The following RSPH4A variants were observed in gnomAD, a reference collection of about 807,000 sequenced individuals.
RSPH4A encodes radial spoke head protein 4 homolog A.
In RSPH4A, 47 loss-of-function variants were observed where a neutral mutation model predicts 71.0. The ratio of observed to expected loss-of-function variants is 0.66; its 90% CI spans 0.52 to 0.84. The LOEUF (loss-of-function observed/expected upper bound fraction) is 0.84, where lower values mean the gene tolerates loss of function less well. RSPH4A is among the 40% of genes least tolerant of loss of function. The pLI, the probability that RSPH4A is intolerant of heterozygous loss-of-function variation, is 0.00. For synonymous variants in RSPH4A, 282 were observed against 302.3 expected (o/e 0.93, Z 0.70); for missense variants, 793 against 855.2 (o/e 0.93, Z 0.91).
chr6:116,626,804 C>G (rs954240235), intron 2 of RSPH4A, among the ~76,000 whole-genome samples: 8 of 152,096 alleles, frequency 5.3e-5, no homozygotes, highest in African/African-American at 1.9e-4. Flanking sequence ...TAGACATGAG[C>G]ACTTTATTAC....
At chr6:116,631,695 C>T (rs1371419623) in intron 5 of RSPH4A, among the ~76,000 whole-genome samples, 1 of 152,170 alleles carries the variant, frequency 6.6e-6, no homozygotes, top group Non-Finnish European at 1.5e-5. Flanking sequence ...GGGCCAGCGT[C>T]CTTGACTGCA....
intron 4 of RSPH4A, 114 bp from the exon 5 acceptor site, chr6:116,630,321 G>A (rs1775772621): frequency 1.3e-6 from 1 of 764,246 alleles, no homozygotes. Flanking sequence ...TCAAGTATGT[G>A]TGTATCTGTG....
At position 116,616,630 on chromosome 6, in the gene RSPH4A, G is replaced by A; in HGVS notation, c.7G>A (p.Asp3Asn). The A allele has an allele frequency of 1.2e-6, 2 of 1,612,548 alleles. No homozygotes were observed. The highest frequency in any genetic ancestry group is 1.7e-6 in the Non-Finnish European group (2 of 1,179,164). Residue 3 changes from aspartate to asparagine, a missense_variant, in exon 1 of 6, where the codon GAC becomes AAC. By Grantham distance (23) the Asp-to-Asn change is conservative (BLOSUM62 1). Transcript: ENST00000229554. ...TTTTTCTTGAACTGCTTCCATGGAG[G>A]ACTCAACCTCCCCGAAGCAAGAAAA... The part of the protein sequence containing the change: ME[D>N]STSPKQEKEN...
chr6:116,624,569 C>T (rs184694802), intron 2 of RSPH4A, among the ~76,000 whole-genome samples: 96 of 152,236 alleles, frequency 6.3e-4, no homozygotes, highest in African/African-American at 2.3e-3. Context: ...ACTTTAAAGC[C>T]TGGAACAGCT....
In RSPH4A at chr6:116,622,887, A is replaced by C. The variant is rs759084740; in HGVS notation, c.806A>C (p.Asp269Ala). ...ATGGCACATTTTAGTAAAAAATTTG[A>C]TGCACTACAAAATGAGAATGAGTTG... is the stretch of plus-strand genomic sequence containing the variant. ...VKMAHFSKKF[D>A]ALQNENELLP... is the part of the protein sequence containing the mutation. The change falls in exon 2 of 6, where the codon GAT (aspartate) becomes GCT (alanine). Residue 269 changes from aspartate to alanine, a missense_variant. Transcript: ENST00000229554. 14 of 1,613,250 alleles carry C rather than the reference A, an allele frequency of 8.7e-6. No homozygotes were observed. The highest frequency in any genetic ancestry group is 1.3e-5 in the African/African-American group (1 of 74,924).
Position 116,627,612 on chromosome 6 carries a change from A to G in RSPH4A, c.922-17A>G. On this transcript the variant is annotated splice_polypyrimidine_tract_variant and intron_variant, in intron 2 of 5. Transcript: ENST00000229554. ...TGTCTTATTGATAAATTTTAACCACAGCATTTGTTTCCCCAGGCAGAAAAC... is the reference window on the plus strand; with the variant it reads ...TGTCTTATTGATAAATTTTAACCACGGCATTTGTTTCCCCAGGCAGAAAAC... The G allele has an allele frequency of 6.3e-7, 1 of 1,591,252 alleles. No homozygotes were observed. The highest frequency in any genetic ancestry group is 1.3e-5 in the African/African-American group (1 of 74,614).
rs1390532154 is a variant in RSPH4A at position 116,628,073 on chromosome 6, A to G, written c.1366A>G (p.Arg456Gly). 6.2e-7 allele frequency: 1 copy of G among 1,614,232 alleles called. No individual in the cohort carries two copies. The highest frequency in any genetic ancestry group is 1.3e-5 in the African/African-American group (1 of 75,060). ...TATACCTGCACAAATTGTTATTGCA[A>G]GAAAAATCAAGAAATTTTTCACTGG... ...PVIPAQIVIA[R>G]KIKKFFTGRL... Residue 456 changes from arginine (R) to glycine (G), a missense_variant, in exon 3 of 6, where the codon AGA becomes GGA. Coordinates refer to ENST00000229554, the MANE Select transcript of RSPH4A (RefSeq NM_001010892.3).
In RSPH4A at chr6:116,632,229, G is replaced by A; in HGVS notation, c.1939G>A (p.Gly647Ser). ...TAGAAAGTTTGAAAATTTCTACATAGGCTGGGGTCATAAGTATAGTCCAGA... is the reference window on the plus strand; with the variant it reads ...TAGAAAGTTTGAAAATTTCTACATAAGCTGGGGTCATAAGTATAGTCCAGA... ...NGKKFENFYI[G>S]WGHKYSPDNY... Residue 647 changes from glycine to serine, a missense_variant, in exon 6 of 6, where the codon GGC (glycine) becomes AGC (serine). Physicochemically the swap from Gly to Ser is moderately conservative, Grantham distance 56. Coordinates refer to ENST00000229554, the MANE Select transcript of RSPH4A (RefSeq NM_001010892.3). The A allele has an allele frequency of 6.2e-7, 1 of 1,610,314 alleles. No homozygotes were observed. Among genetic ancestry groups the A allele is most frequent in the Non-Finnish European group, 8.5e-7 (1 of 1,178,966 alleles).
chr6:116,626,222 A>G (rs1480670761), intron 2 of RSPH4A, among the ~76,000 whole-genome samples: 2 of 152,224 alleles, frequency 1.3e-5, no homozygotes, highest in Non-Finnish European at 2.9e-5. Flanking sequence ...CAATTATAAG[A>G]GCATATCATT....
In RSPH4A at chr6:116,627,767, C is replaced by T. The variant is rs143931549; in HGVS notation, c.1060C>T (p.Arg354Cys). 139 of 1,613,970 alleles carry T rather than the reference C, an allele frequency of 8.6e-5. No homozygotes were observed. The highest frequency in any genetic ancestry group is 2.4e-4 in the African/African-American group (18 of 74,880). ...LTDTHPIQRCRFWGKILGLEM... is the reference protein window; with the variant it reads ...LTDTHPIQRCCFWGKILGLEM... Reference sequence around the variant, plus strand: ...TGATACCCACCCAATCCAAAGATGCCGCTTCTGGGGAAAGATCTTGGGTCT... The same window carrying T: ...TGATACCCACCCAATCCAAAGATGCTGCTTCTGGGGAAAGATCTTGGGTCT... Residue 354 changes from arginine (R) to cysteine (C), a missense_variant, in exon 3 of 6, where the codon CGC becomes TGC. Arg to Cys is a radical substitution (Grantham distance 180). Transcript: ENST00000229554.
Position 116,620,803 on chromosome 6 carries a change from C to T in RSPH4A, c.687-1965C>T, listed in dbSNP as rs1396349669. ...AAATCAAACCCTTTCATTATTAATCCAGCTATTGCCCGATAACCAACAGTG... is the reference window on the plus strand; with the variant it reads ...AAATCAAACCCTTTCATTATTAATCTAGCTATTGCCCGATAACCAACAGTG... On this transcript the variant is annotated intron_variant, in intron 1 of 5. Coordinates refer to ENST00000229554, the MANE Select transcript of RSPH4A (RefSeq NM_001010892.3). Among the ~76,000 whole-genome samples, 6 of 152,246 alleles carry T rather than the reference C, an allele frequency of 3.9e-5. No individual in the cohort carries two copies. In the East Asian group the frequency reaches 1.2e-3, roughly 29 times the overall value.
intron 5 of RSPH4A, among the ~76,000 whole-genome samples, chr6:116,631,776 A>G (rs1775808831): frequency 6.6e-6 from 1 of 152,190 alleles, no homozygotes; most frequent in African/African-American, 2.4e-5. Context: ...GTGATTGCCT[A>G]TGGTCATGCC....
rs1450524623 is a variant in RSPH4A at position 116,627,650 on chromosome 6, G to A, written c.943G>A (p.Val315Ile). 6.8e-6 allele frequency: 11 copies of A among 1,614,022 alleles called. No homozygotes were observed. The highest frequency in any genetic ancestry group is 2.2e-5 in the East Asian group (1 of 44,902). The stretch of plus-strand genomic sequence containing the variant: ...CCAGGCAGAAAACGCTCTTCCAAAT[G>A]TAATGGAGTCAGCTTTTTATTTTGA... Reference protein sequence around the residue: ...DEIAENALPNVMESAFYFEQA... With the variant: ...DEIAENALPNIMESAFYFEQA... Residue 315 changes from valine to isoleucine, a missense_variant, in exon 3 of 6, where the codon GTA (valine) becomes ATA (isoleucine). Transcript: ENST00000229554.
intron 5 of RSPH4A, among the ~76,000 whole-genome samples, chr6:116,630,892 T>C (rs535650739): frequency 9.5e-5 from 13 of 137,024 alleles, no homozygotes; most frequent in African/African-American, 3.5e-4. Flanking sequence ...GGTTTCACCA[T>C]GTTGGCCAGG....
At position 116,627,762 on chromosome 6, in the gene RSPH4A, G is replaced by T; in HGVS notation, c.1055G>T (p.Arg352Ile). 1 of 1,614,156 alleles carries T rather than the reference G, an allele frequency of 6.2e-7. No homozygotes were observed. Among genetic ancestry groups the T allele is most frequent in the Non-Finnish European group, 8.5e-7 (1 of 1,180,030 alleles). Residue 352 changes from arginine (R) to isoleucine (I), a missense_variant, in exon 3 of 6, where the codon AGA (arginine) becomes ATA (isoleucine). Coordinates refer to ENST00000229554, the MANE Select transcript of RSPH4A (RefSeq NM_001010892.3). ...CTTACTGATACCCACCCAATCCAAA[G>T]ATGCCGCTTCTGGGGAAAGATCTTG... ...KQLTDTHPIQ[R>I]CRFWGKILGL...
intron 5 of RSPH4A, 133 bp from the exon 6 acceptor site, chr6:116,632,074 T>C: frequency 1.5e-6 from 1 of 653,376 alleles, no homozygotes; most frequent in South Asian, 1.9e-5. Flanking sequence ...ATTTCACTTC[T>C]AGCATTTTAC....
chr6:116,620,531 A>G (rs1294572080), intron 1 of RSPH4A, among the ~76,000 whole-genome samples: 2 of 152,340 alleles, frequency 1.3e-5, no homozygotes, highest in East Asian at 1.9e-4. Flanking sequence ...CTAACAGGCT[A>G]TAGGAAAGAA....
intron 3 of RSPH4A, among the ~76,000 whole-genome samples, chr6:116,628,681 C>T (rs1338036873): frequency 1.3e-5 from 2 of 152,054 alleles, no homozygotes; most frequent in African/African-American, 4.8e-5. Context: ...TCTGAAATTA[C>T]TCAATTTTTA....
intron 3 of RSPH4A, among the ~76,000 whole-genome samples, chr6:116,628,574 C>A (rs1470313715): frequency 6.6e-6 from 1 of 152,044 alleles, no homozygotes; most frequent in Non-Finnish European, 1.5e-5. Context: ...CTGAAGGTCC[C>A]AGGGATCTCC....
Sources: allele counts gnomAD v4.1 joint callset (sites outside exome capture counted in the v4.1 genomes callset), GRCh38; gene constraint gnomAD v4.1.1; transcripts MANE v1.5; gene names NCBI Gene and HGNC (gene_info 2026-07-23, HGNC 2026-07-21).